Variants in ADORA2A observed in about 807,000 individuals in gnomAD.
ADORA2A encodes the protein adenosine receptor A2a.
A neutral mutation model predicts 18.4 loss-of-function variants in ADORA2A; 11 were observed. The ratio of observed to expected loss-of-function variants is 0.60; its 90% confidence interval spans 0.38 to 0.99. The LOEUF (loss-of-function observed/expected upper bound fraction) is 0.99, where lower values mean the gene tolerates loss of function less well. ADORA2A is among the 50% of genes least tolerant of loss of function. The probability of loss-of-function intolerance (pLI) is 0.01; values close to 1 mark genes in which losing one functional copy is unlikely to be tolerated. For synonymous variants in ADORA2A, 218 were observed against 237.3 expected (o/e 0.92, Z 0.75); for missense variants, 449 against 556.1 (o/e 0.81, Z 1.94).
upstream of ADORA2A, among the ~76,000 whole-genome samples, chr22:24,426,009 T>C (rs185525203): frequency 2.2e-3 from 327 of 152,082 alleles, 1 homozygote; most frequent in Non-Finnish European, 2.7e-3. Flanking sequence ...GGCTTGAGGG[T>C]CAGGGGACAC....
chr22:24,427,007 C>G (rs562142717), upstream of ADORA2A, among the ~76,000 whole-genome samples: 8 of 152,298 alleles, frequency 5.3e-5, no homozygotes, highest in South Asian at 1.4e-3. Context: ...TCGGATGTGC[C>G]GCTGCAGCCC....
intron 2 of ADORA2A, among the ~76,000 whole-genome samples, chr22:24,437,688 T>G (rs2146910870): frequency 6.6e-6 from 1 of 152,374 alleles, no homozygotes; most frequent in East Asian, 1.9e-4. Flanking sequence ...TCCAGAGATA[T>G]TCTTTGCATA....
chr22:24,434,823 AT>A (rs2043133726), intron 2 of ADORA2A, among the ~76,000 whole-genome samples: 2 of 152,202 alleles, frequency 1.3e-5, no homozygotes, highest in Admixed American at 1.3e-4. Context: ...CTTAGAGGTC[AT>A]TTCCTCTCAT....
Position 24,433,753 on chromosome 22 carries a change from T to A in ADORA2A, c.332+17T>A. The A allele has an allele frequency of 6.3e-7, 1 of 1,597,366 alleles. No homozygotes were observed. The highest frequency in any genetic ancestry group is 1.7e-5 in the Admixed American group (1 of 59,886). On this transcript the variant is annotated intron_variant, in intron 2 of 2. Transcript: ENST00000337539. ...CCCGCTCCGGTGAGCAGGGCCGGGG[T>A]TACATCTGTGCAAAGGCTGTTGGTG...
At chr22:24,431,172 G>T (rs1409116720) in intron 1 of ADORA2A, 1 of 456,792 alleles carries the variant, frequency 2.2e-6, no homozygotes, top group Non-Finnish European at 4.4e-6. Context: ...TGGCTGCCTG[G>T]CAAGTGCTCC....
At chr22:24,440,090 C>A (rs2043297743) in intron 2 of ADORA2A, among the ~76,000 whole-genome samples, 1 of 152,138 alleles carries the variant, frequency 6.6e-6, no homozygotes, top group Admixed American at 6.5e-5. Context: ...CTGCCCCTAG[C>A]CAGTAAAGCC....
intron 2 of ADORA2A, chr22:24,438,907 A>G (rs1174674317): frequency 6.6e-6 from 1 of 152,016 alleles, no homozygotes; most frequent in Non-Finnish European, 1.5e-5. Context: ...AGATCTGGTA[A>G]TAGCAGGCGT....
rs915215807 is a variant in ADORA2A, at chr22:24,433,106, C to T, written c.-274-25C>T. ...GGCTCGCCCTCTGCAGATGGTTCAG[C>T]TTCTCATCGGCTGTCCCTTTGCAGG... On this transcript the variant is annotated intron_variant, in intron 1 of 2. Transcript: ENST00000337539. 8.4e-5 allele frequency: 44 copies of T among 524,476 alleles called. 1 individual carries two copies. The highest frequency in any genetic ancestry group is 1.0e-3 in the Middle Eastern group (2 of 1,928). The allele number at this position is 524,476 out of a possible 1,614,324, so 32.5% of individuals were successfully genotyped here. A position where few individuals can be genotyped will look rare whatever the true frequency, so the allele number is the denominator to read the frequency against.
At chr22:24,438,934 T>C (rs759917352) in intron 2 of ADORA2A, among the ~76,000 whole-genome samples, 24 of 152,130 alleles carry the variant, frequency 1.6e-4, no homozygotes, top group Non-Finnish European at 3.2e-4. Flanking sequence ...TGCATGGCGC[T>C]GAAGACCAGG....
chr22:24,431,178 G>A (rs886386743), intron 1 of ADORA2A: 1 of 456,680 alleles, frequency 2.2e-6, no homozygotes, highest in Non-Finnish European at 4.4e-6. Flanking sequence ...CCTGGCAAGT[G>A]CTCCATGGAA....
At chr22:24,426,945 T>G (rs543745093), upstream of ADORA2A, among the ~76,000 whole-genome samples, 248 of 152,178 alleles carry the variant, frequency 1.6e-3, 3 homozygotes, top group Non-Finnish European at 3.1e-4. Context: ...AGGGGAAGCT[T>G]GTTCCAGGAG....
At chr22:24,438,089 T>C (rs1324821249) in intron 2 of ADORA2A, among the ~76,000 whole-genome samples, 2 of 152,392 alleles carry the variant, frequency 1.3e-5, no homozygotes, top group Middle Eastern at 3.4e-3. Context: ...AAACTCACTA[T>C]TGCCTGAGGC....
chr22:24,428,072 G>A lies in ADORA2A; in HGVS notation c.-275+326G>A, dbSNP rs1033933798. ...GAAGTAAGGGCCACCGGGCAGCCCCGGAGGTCAGGAGGGAAGTGGAGCCCG... is the reference window on the plus strand; with the variant it reads ...GAAGTAAGGGCCACCGGGCAGCCCCAGAGGTCAGGAGGGAAGTGGAGCCCG... On this transcript the variant is annotated intron_variant, in intron 1 of 2. Transcript: ENST00000337539. Among the ~76,000 whole-genome samples, 8 of 152,344 alleles carry A rather than the reference G, an allele frequency of 5.3e-5. No homozygotes were observed. In the South Asian group the frequency reaches 6.2e-4, roughly 12 times the overall value.
At chr22:24,424,366 C>CGTCCGTCA (rs1441950081), upstream of ADORA2A, 2 of 151,820 alleles carry the variant, frequency 1.3e-5, no homozygotes, top group African/African-American at 4.9e-5. This position sits in a 1 kb window ranked among gnomAD's most constrained non-coding sequence, Gnocchi z 4.9. Flanking sequence ...GGGGAGCGTC[C>CGTCCGTCA]GTCCGTCAGT....
intron 2 of ADORA2A, among the ~76,000 whole-genome samples, chr22:24,437,488 C>A (rs536162742): frequency 3.9e-5 from 6 of 152,164 alleles, no homozygotes; most frequent in Admixed American, 2.6e-4. Flanking sequence ...GGGTCCAGGG[C>A]TCTCAGCCTA....
At position 24,433,532 on chromosome 22, in the gene ADORA2A, A is replaced by C; in HGVS notation, c.128A>C (p.Tyr43Ser). ...AGCAACCTGCAGAACGTCACCAACTACTTTGTGGTGTCACTGGCGGCGGCC... is the reference window on the plus strand; with the variant it reads ...AGCAACCTGCAGAACGTCACCAACTCCTTTGTGGTGTCACTGGCGGCGGCC... ...LNSNLQNVTN[Y>S]FVVSLAAADI... Residue 43 changes from tyrosine (Y) to serine (S), a missense_variant, in exon 2 of 3, where the codon TAC becomes TCC. Coordinates refer to ENST00000337539, the MANE Select transcript of ADORA2A (RefSeq NM_000675.6). 5 of 1,614,052 alleles carry C rather than the reference A, an allele frequency of 3.1e-6. No homozygotes were observed. The highest frequency in any genetic ancestry group is 2.7e-5 in the African/African-American group (2 of 75,004).
intron 2 of ADORA2A, chr22:24,438,350 A>C (rs2043229187): frequency 6.6e-6 from 1 of 152,236 alleles, no homozygotes; most frequent in African/African-American, 2.4e-5. Context: ...ATAATGTCAA[A>C]ATTAATATAG....
intron 2 of ADORA2A, 105 bp downstream of exon 2, chr22:24,433,841 T>A (rs2043108600): frequency 7.5e-7 from 1 of 1,337,864 alleles, no homozygotes; most frequent in African/African-American, 1.5e-5. Flanking sequence ...GTCTGCAGTG[T>A]CAGCATGGTG....
At chr22:24,434,014 G>A (rs1183546419) in intron 2 of ADORA2A, among the ~76,000 whole-genome samples, 1 of 152,230 alleles carries the variant, frequency 6.6e-6, no homozygotes, top group African/African-American at 2.4e-5. Context: ...TCTGCTTTTT[G>A]GCAGATGAGT....
Sources: gnomAD v4.1 joint callset for allele counts (sites outside exome capture counted in the v4.1 genomes callset) on GRCh38, gnomAD v4.1.1 for gene constraint, Gnocchi (gnomAD v3.1) non-coding constraint, MANE v1.5 for transcripts, NCBI Gene and HGNC (gene_info 2026-07-23, HGNC 2026-07-21) for gene names.